ITGB6: variants seen among roughly 807,000 people sequenced by gnomAD.
The protein encoded by ITGB6 is integrin subunit beta 6.
ITGB6 carries 80 observed loss-of-function variants against 84.5 expected under a neutral mutation model. The observed-to-expected ratio is 0.95, with a 90% CI of 0.79 to 1.14. ITGB6 has a LOEUF of 1.14. Ranked by LOEUF, ITGB6 falls within the 50% of genes most tolerant of loss-of-function variation. The probability of loss-of-function intolerance (pLI) is 0.00; values close to 1 mark genes in which losing one functional copy is unlikely to be tolerated. For synonymous variants in ITGB6, 383 were observed against 354.9 expected, an observed-to-expected ratio of 1.08 and a Z score of -0.89; for missense variants, 1,006 against 968.0, an observed-to-expected ratio of 1.04 and a Z score of -0.52.
At chr2:160,155,751 C>T (rs1035680018) in intron 7 of ITGB6, among the ~76,000 whole-genome samples, 2 of 152,138 alleles carry the variant, frequency 1.3e-5, no homozygotes, top group East Asian at 1.9e-4. Flanking sequence ...GCCAGAATAT[C>T]TAAACGATTC....
chr2:160,142,731 C>T (rs1343906189), intron 7 of ITGB6, among the ~76,000 whole-genome samples: 4 of 152,180 alleles, frequency 2.6e-5, no homozygotes, highest in Admixed American at 6.5e-5. Flanking sequence ...TTTCCTGAGG[C>T]ATCATTCCCA....
intron 14 of ITGB6, 67 bp from the exon 15 acceptor site, chr2:160,101,901 G>C (rs527458484): frequency 4.8e-4 from 402 of 837,156 alleles, no homozygotes; most frequent in Non-Finnish European, 7.3e-4. Flanking sequence ...TTAATACGTA[G>C]TGCAAATTGG....
chr2:160,127,616 G>A (rs185789264), intron 10 of ITGB6, among the ~76,000 whole-genome samples: 20 of 152,242 alleles, frequency 1.3e-4, no homozygotes, highest in Admixed American at 3.3e-4. Context: ...GCTGTGTCAC[G>A]GGCCATGGTC....
chr2:160,140,458 T>C (rs1457233), intron 8 of ITGB6, among the ~76,000 whole-genome samples: 120,059 of 152,174 alleles, frequency 0.79, 48,314 homozygotes, highest in African/African-American at 0.95. Context: ...TTTGACAATT[T>C]AGTGTTTTCT....
At chr2:160,185,049 A>G (rs1351208582) in intron 4 of ITGB6, among the ~76,000 whole-genome samples, 1 of 152,224 alleles carries the variant, frequency 6.6e-6, no homozygotes, top group Non-Finnish European at 1.5e-5. Flanking sequence ...AGCTGGAAGC[A>G]TTCCCTTTGA....
chr2:160,123,754 C>A (rs1427580457), intron 12 of ITGB6, 37 bp downstream of exon 12: 1 of 1,521,210 alleles, frequency 6.6e-7, no homozygotes, highest in Non-Finnish European at 9.1e-7. Flanking sequence ...TCAAGAACTA[C>A]ATAAGGAAAT....
Position 160,200,118 on chromosome 2 carries a change from A to C in ITGB6, c.-55T>G. 7.4e-7 allele frequency: 1 copy of C among 1,346,696 alleles called. No individual in the cohort carries two copies. The highest frequency in any genetic ancestry group is 1.2e-5 in the South Asian group (1 of 84,800). The allele number at this position is 1,346,696 out of a possible 1,614,324, so 83.4% of individuals were successfully genotyped here. On this transcript the variant is annotated 5_prime_UTR_variant, in exon 1 of 15. Coordinates refer to ENST00000283249, the MANE Select transcript of ITGB6 (RefSeq NM_000888.5). ...TAAAAAATGAATTACCTTCAGCGTT[A>C]CAAGACCAACGCTGAATATCGTTAA...
At chr2:160,103,103 C>A (rs929582317) in intron 14 of ITGB6, among the ~76,000 whole-genome samples, 1 of 152,148 alleles carries the variant, frequency 6.6e-6, no homozygotes, top group Admixed American at 6.5e-5. Context: ...CCGCCTCTGA[C>A]CTTCTAAGTT....
chr2:160,178,969 T>C (rs1167423455), intron 4 of ITGB6: 3 of 152,124 alleles, frequency 2.0e-5, no homozygotes, highest in African/African-American at 7.2e-5. Flanking sequence ...AGTGCTGGGA[T>C]TACAGGCAAG....
At chr2:160,127,869 C>G (rs1401386608) in intron 10 of ITGB6, among the ~76,000 whole-genome samples, 23 of 152,158 alleles carry the variant, frequency 1.5e-4, no homozygotes, top group Admixed American at 1.5e-3. Flanking sequence ...AAGCCCACCC[C>G]TCTATATCAC....
chr2:160,140,785 G>A (rs1489741848), intron 8 of ITGB6, among the ~76,000 whole-genome samples: 1 of 152,172 alleles, frequency 6.6e-6, no homozygotes, highest in Non-Finnish European at 1.5e-5. Context: ...AATTTTAATG[G>A]ACACATCTGT....
chr2:160,122,470 C>A (rs997861462), intron 12 of ITGB6, among the ~76,000 whole-genome samples: 1 of 152,108 alleles, frequency 6.6e-6, no homozygotes, highest in Non-Finnish European at 1.5e-5. Context: ...AATTTTTACG[C>A]GTTTCTCAGA....
intron 13 of ITGB6, among the ~76,000 whole-genome samples, chr2:160,108,252 T>TGC (rs1553475981): frequency 1.4e-5 from 2 of 148,070 alleles, no homozygotes; most frequent in African/African-American, 2.5e-5. Context: ...TGTGTGTGTG[T>TGC]GTGCTGCATG....
intron 10 of ITGB6, among the ~76,000 whole-genome samples, chr2:160,136,965 T>C (rs923473744): frequency 6.6e-6 from 1 of 151,068 alleles, no homozygotes; most frequent in Non-Finnish European, 1.5e-5. Flanking sequence ...GATGAGTTAA[T>C]GGGTGCAGCA....
At chr2:160,156,120 T>G (rs995150312) in intron 7 of ITGB6, among the ~76,000 whole-genome samples, 4 of 152,214 alleles carry the variant, frequency 2.6e-5, no homozygotes, top group Non-Finnish European at 5.9e-5. Context: ...ATTGTTGTCA[T>G]CAAGGGGATG....
intron 7 of ITGB6, among the ~76,000 whole-genome samples, chr2:160,146,261 G>C (rs1684182482): frequency 6.6e-6 from 1 of 152,086 alleles, no homozygotes; most frequent in African/African-American, 2.4e-5. Context: ...GTGATATTTT[G>C]ATACACATAT....
At chr2:160,162,682 G>A (rs1339497739) in intron 7 of ITGB6, among the ~76,000 whole-genome samples, 5 of 152,222 alleles carry the variant, frequency 3.3e-5, no homozygotes, top group Middle Eastern at 3.4e-3. Context: ...GCAATGGTGC[G>A]ATCTCGGCTC....
At chr2:160,112,322 G>C in intron 12 of ITGB6, 123 bp from the exon 13 acceptor site, 3 of 935,574 alleles carry the variant, frequency 3.2e-6, no homozygotes, top group Non-Finnish European at 4.8e-6. Context: ...ATGAGAATAG[G>C]AGAGGCATAG....
rs749999112 is a variant in ITGB6, at chr2:160,196,355, T to G, written c.207A>C (p.Gly69=). 2 of 1,613,900 alleles carry G rather than the reference T, an allele frequency of 1.2e-6. No individual in the cohort carries two copies. Among genetic ancestry groups the G allele is most frequent in the African/African-American group, 1.3e-5 (1 of 74,880 alleles). ...GGTTTTCGATGAAGTTTAATTGACA[T>G]CCTTTAGCTAAAAGGTTTGCTGGGG... ...CDTPANLLAK[G]CQLNFIENPV... The change falls in exon 3 of 15, where the codon GGA becomes GGC. Residue 69 remains glycine, a synonymous_variant. Coordinates refer to ENST00000283249, the MANE Select transcript of ITGB6 (RefSeq NM_000888.5).
Sources: allele counts gnomAD v4.1 joint callset (sites outside exome capture counted in the v4.1 genomes callset), GRCh38; gene constraint gnomAD v4.1.1; transcripts MANE v1.5; gene names NCBI Gene and HGNC (gene_info 2026-07-23, HGNC 2026-07-21).